Variants in ACACA observed in about 807,000 individuals in gnomAD.
The protein encoded by ACACA is acetyl-CoA carboxylase alpha, also known as acetyl-CoA carboxylase 1.
ACACA carries 103 observed loss-of-function variants against 296.1 expected under a neutral mutation model. The ratio of observed to expected loss-of-function variants is 0.35; its 90% CI spans 0.30 to 0.41. ACACA has a LOEUF of 0.41. Ranked by LOEUF, ACACA falls within the 10% of genes least tolerant of loss-of-function variation. ACACA has a pLI of 1.00. For synonymous variants in ACACA, 953 were observed against 1,038.6 expected (o/e 0.92, Z 1.58); for missense variants, 1,554 against 2,989.7 (o/e 0.52, Z 11.20).
rs543757478 is a variant in ACACA, at chr17:37,108,476, C to A, written c.6565+3055G>T. Reference sequence around the variant, plus strand: ...CGATCTCGGCTCACTGCAACCTCCACCTCCCAGGTTCAAGCGATTCTCCTG... The same window carrying A: ...CGATCTCGGCTCACTGCAACCTCCAACTCCCAGGTTCAAGCGATTCTCCTG... On this transcript the variant is annotated intron_variant, in intron 52 of 55. Transcript: ENST00000616317. Among the ~76,000 whole-genome samples the A allele has an allele frequency of 2.0e-5, 3 of 152,102 alleles. No homozygotes were observed. In the South Asian group the frequency reaches 6.2e-4, roughly 32 times the overall value.
intron 42 of ACACA, among the ~76,000 whole-genome samples, chr17:37,158,586 C>T (rs1028717577): frequency 6.6e-6 from 1 of 151,902 alleles, no homozygotes; most frequent in Non-Finnish European, 1.5e-5. Context: ...GCCATAATCG[C>T]ACCACTGCAC....
At chr17:37,343,843 T>A (rs1025169804) in intron 1 of ACACA, among the ~76,000 whole-genome samples, 1 of 152,040 alleles carries the variant, frequency 6.6e-6, no homozygotes, top group Non-Finnish European at 1.5e-5. Flanking sequence ...TTTAATGGAT[T>A]TTGGTTATTA....
intron 47 of ACACA, among the ~76,000 whole-genome samples, chr17:37,126,171 T>C (rs538973558): frequency 3.9e-5 from 6 of 152,374 alleles, no homozygotes; most frequent in African/African-American, 1.4e-4. Flanking sequence ...TCTATTTCTA[T>C]TTTAAAACTT....
intron 45 of ACACA, among the ~76,000 whole-genome samples, chr17:37,137,554 C>A (rs1373048900): frequency 6.6e-6 from 1 of 152,168 alleles, no homozygotes; most frequent in Non-Finnish European, 1.5e-5. Context: ...ATGTGATCTA[C>A]CACATTTCTA....
intron 6 of ACACA, 55 bp downstream of exon 6, chr17:37,277,841 G>A (rs2082344604): frequency 7.4e-7 from 1 of 1,350,216 alleles, no homozygotes; most frequent in Non-Finnish European, 1.1e-6. Flanking sequence ...ATCCCCTTGT[G>A]CCTAACTATA....
intron 1 of ACACA, among the ~76,000 whole-genome samples, chr17:37,375,756 C>T (rs928905415): frequency 6.6e-6 from 1 of 152,124 alleles, no homozygotes; most frequent in African/African-American, 2.4e-5. Context: ...TAAATGTCTA[C>T]GTGTCTATCT....
Position 37,244,720 on chromosome 17 carries a change from T to C in ACACA, c.2610A>G (p.Thr870=), listed in dbSNP as rs1420500417. ...PSKVQQAELH[T]GSLPRIQSTA... ...TGCTCTGGATCCGTGGCAGACTACC[T>C]GTGTGAAGTTCAGCCTGTCAACCCC... is the stretch of plus-strand genomic sequence containing the variant. Residue 870 remains threonine (T), a synonymous_variant, in exon 21 of 56, where the codon ACA becomes ACG. Transcript: ENST00000616317. 2 of 1,614,090 alleles carry C rather than the reference T, an allele frequency of 1.2e-6. No individual in the cohort carries two copies. The highest frequency in any genetic ancestry group is 2.2e-5 in the East Asian group (1 of 44,902).
rs59846071 is a variant in ACACA at position 37,361,537 on chromosome 17, A to T, written c.39-21687T>A. On this transcript the variant is annotated intron_variant, in intron 1 of 55. Transcript: ENST00000616317. ...CCTAATAGAAGCTACAGTGAAAAAA[A>T]AAGTAATTAAGGAAGGATGAGTTAC... is the stretch of plus-strand genomic sequence containing the variant. 9.1e-4 allele frequency among the ~76,000 whole-genome samples: 139 copies of T among 152,346 alleles called. 1 individual carries two copies. The highest frequency in any genetic ancestry group is 3.3e-3 in the African/African-American group (136 of 41,598).
At chr17:37,126,569 A>G (rs2143238488) in intron 47 of ACACA, among the ~76,000 whole-genome samples, 1 of 152,304 alleles carries the variant, frequency 6.6e-6, no homozygotes, top group Non-Finnish European at 1.5e-5. Context: ...TTCTGCAAAT[A>G]ACCGTTTCCT....
intron 39 of ACACA, among the ~76,000 whole-genome samples, chr17:37,184,381 A>G (rs1168681607): frequency 6.6e-6 from 1 of 152,222 alleles, no homozygotes; most frequent in Non-Finnish European, 1.5e-5. Flanking sequence ...AACAGTGTCA[A>G]GATATTGCCT....
At chr17:37,218,353 C>T (rs1447433514) in intron 29 of ACACA, among the ~76,000 whole-genome samples, 1 of 152,140 alleles carries the variant, frequency 6.6e-6, no homozygotes, top group Admixed American at 6.5e-5. Context: ...AAAATATTAA[C>T]AATTGTTATT....
intron 3 of ACACA, among the ~76,000 whole-genome samples, chr17:37,308,215 TTA>T (rs2083970911): frequency 6.6e-6 from 1 of 152,150 alleles, no homozygotes; most frequent in African/African-American, 2.4e-5. Context: ...TCTAAACAAT[TTA>T]TGAGTCAAAA....
chr17:37,254,658 T>C (rs963999439), intron 14 of ACACA, among the ~76,000 whole-genome samples: 1 of 152,094 alleles, frequency 6.6e-6, no homozygotes, highest in African/African-American at 2.4e-5. Flanking sequence ...AACCAGTAGA[T>C]AGCAGATACT....
chr17:37,362,989 A>C (rs2049463232), intron 1 of ACACA, among the ~76,000 whole-genome samples: 1 of 149,358 alleles, frequency 6.7e-6, no homozygotes, highest in African/African-American at 2.4e-5. Flanking sequence ...AAAAAAAAAA[A>C]ACAAAACCAC....
chr17:37,252,369 A>C (rs1280983136), intron 15 of ACACA, among the ~76,000 whole-genome samples: 1 of 152,222 alleles, frequency 6.6e-6, no homozygotes, highest in Non-Finnish European at 1.5e-5. Flanking sequence ...GAATAGCTCA[A>C]AAATAGGCTT....
chr17:37,124,955 T>C (rs540386276), intron 48 of ACACA, among the ~76,000 whole-genome samples: 1 of 152,158 alleles, frequency 6.6e-6, no homozygotes, highest in Non-Finnish European at 1.5e-5. Flanking sequence ...GGAAAACTGA[T>C]TGCCCCCAGA....
intron 39 of ACACA, among the ~76,000 whole-genome samples, chr17:37,185,402 C>CT (rs67821579): frequency 0.24 from 11,588 of 48,512 alleles, 3,149 homozygotes; most frequent in Non-Finnish European, 0.29. Context: ...CTGGCTATTT[C>CT]TTTTTTTTTT....
At chr17:37,370,848 G>C (rs1005319180) in intron 1 of ACACA, among the ~76,000 whole-genome samples, 3 of 151,668 alleles carry the variant, frequency 2.0e-5, no homozygotes, top group Admixed American at 2.0e-4. Context: ...GCCGGACTTG[G>C]TGGCACATGC....
At chr17:37,296,925 C>T (rs1277117920) in intron 3 of ACACA, among the ~76,000 whole-genome samples, 3 of 150,134 alleles carry the variant, frequency 2.0e-5, no homozygotes, top group Non-Finnish European at 4.4e-5. Context: ...CCATGTTGCC[C>T]AGGCTGGTCT....
Sources: gnomAD v4.1 joint callset for allele counts (sites outside exome capture counted in the v4.1 genomes callset) on GRCh38, gnomAD v4.1.1 for gene constraint, MANE v1.5 for transcripts, NCBI Gene and HGNC (gene_info 2026-07-23, HGNC 2026-07-21) for gene names.